KCNH1: variants seen among roughly 807,000 people sequenced by gnomAD.
The protein encoded by KCNH1 is voltage-gated delayed rectifier potassium channel KCNH1.
A neutral mutation model predicts 69.2 loss-of-function variants in KCNH1; 27 were observed. The observed-to-expected ratio is 0.39, with a 90% confidence interval of 0.29 to 0.54. The LOEUF is 0.54. Ranked by LOEUF, KCNH1 falls within the 20% of genes least tolerant of loss-of-function variation. The pLI, the probability that KCNH1 is intolerant of heterozygous loss-of-function variation, is 0.68. For missense variants in KCNH1, 798 were observed against 1,261.6 expected (o/e 0.63, Z 5.57); for synonymous variants, 456 against 487.7 (o/e 0.93, Z 0.86).
intron 7 of KCNH1, chr1:210,862,058 A>G (rs1294333368): frequency 5.0e-6 from 4 of 802,712 alleles, no homozygotes; most frequent in Non-Finnish European, 9.1e-6. Context: ...GGGGATATAT[A>G]CTTTTGTGCT....
At chr1:210,948,976 T>C (rs557779767) in intron 6 of KCNH1, among the ~76,000 whole-genome samples, 6 of 152,320 alleles carry the variant, frequency 3.9e-5, no homozygotes, top group African/African-American at 1.4e-4. Flanking sequence ...TTGACTTTCA[T>C]CAACTATTCA....
intron 3 of KCNH1, among the ~76,000 whole-genome samples, chr1:211,091,233 G>A (rs1190727353): frequency 1.3e-5 from 2 of 152,116 alleles, no homozygotes; most frequent in African/African-American, 4.8e-5. Flanking sequence ...CCAGGCTGGA[G>A]TACAATGGTG....
At chr1:211,054,563 AG>A (rs1690268720) in intron 5 of KCNH1, among the ~76,000 whole-genome samples, 1 of 152,216 alleles carries the variant, frequency 6.6e-6, no homozygotes. Flanking sequence ...GCTATGGAAT[AG>A]AAAAATAACG....
At chr1:211,081,015 T>C (rs1571631275) in intron 5 of KCNH1, among the ~76,000 whole-genome samples, 3 of 152,166 alleles carry the variant, frequency 2.0e-5, no homozygotes, top group African/African-American at 7.2e-5. Context: ...GAAACTACCA[T>C]CAGAGTGAAC....
intron 7 of KCNH1, among the ~76,000 whole-genome samples, chr1:210,915,869 C>T (rs951523584): frequency 1.3e-5 from 2 of 152,132 alleles, no homozygotes; most frequent in Non-Finnish European, 2.9e-5. Flanking sequence ...GGCTAATATA[C>T]TGCAACAGGA....
intron 7 of KCNH1, chr1:210,860,182 A>G: frequency 8.2e-7 from 1 of 1,213,488 alleles, no homozygotes; most frequent in South Asian, 1.2e-5. Flanking sequence ...ATCAACTGTT[A>G]CATAATTATA....
intron 6 of KCNH1, among the ~76,000 whole-genome samples, chr1:210,962,443 G>A (rs1688312529): frequency 1.3e-5 from 2 of 152,142 alleles, no homozygotes; most frequent in African/African-American, 4.8e-5. Context: ...CAAATGTACA[G>A]ATCCTTAAAT....
chr1:210,965,558 T>C (rs531692285), intron 6 of KCNH1, among the ~76,000 whole-genome samples: 6 of 152,186 alleles, frequency 3.9e-5, no homozygotes, highest in African/African-American at 1.4e-4. Context: ...TCATACTACC[T>C]GACTTCAAAC....
chr1:211,014,760 G>A (rs10494932), intron 6 of KCNH1, among the ~76,000 whole-genome samples: 53,793 of 151,996 alleles, frequency 0.35, 9,900 homozygotes, highest in Non-Finnish European at 0.38. Context: ...AGCTCCACAT[G>A]TATTTTTTTA....
intron 10 of KCNH1, among the ~76,000 whole-genome samples, chr1:210,713,677 T>C (rs1295395337): frequency 6.6e-6 from 1 of 152,170 alleles, no homozygotes; most frequent in African/African-American, 2.4e-5. Flanking sequence ...CAACCTGCAA[T>C]TCATGATCCT....
chr1:210,937,209 C>T (rs1342025934), intron 6 of KCNH1, among the ~76,000 whole-genome samples: 1 of 152,232 alleles, frequency 6.6e-6, no homozygotes, highest in African/African-American at 2.4e-5. Flanking sequence ...CCCACTGCTT[C>T]TCAGAATCTA....
Position 210,744,033 on chromosome 1 carries a change from G to T in KCNH1, c.2112+31315C>A, listed in dbSNP as rs371888404. On this transcript the variant is annotated intron_variant, in intron 10 of 10. Coordinates refer to ENST00000271751, the MANE Select transcript of KCNH1 (RefSeq NM_172362.3). ...CAGAAGGCTTTCCTAGACCACTCCTGTAAGCAGCTGGCATCCCAGATCCAG... is the reference window on the plus strand; with the variant it reads ...CAGAAGGCTTTCCTAGACCACTCCTTTAAGCAGCTGGCATCCCAGATCCAG... Among the ~76,000 whole-genome samples, 5 of 152,128 alleles carry T rather than the reference G, an allele frequency of 3.3e-5. No individual in the cohort carries two copies. The East Asian group carries it at 7.7e-4, about 23-fold the overall frequency.
chr1:211,035,377 T>C (rs1689877990), intron 5 of KCNH1, among the ~76,000 whole-genome samples: 1 of 147,684 alleles, frequency 6.8e-6, no homozygotes, highest in Non-Finnish European at 1.5e-5. Context: ...GCCTCCCAAG[T>C]AGCTGGGACT....
chr1:210,819,358 A>C (rs1002361457), intron 7 of KCNH1, among the ~76,000 whole-genome samples: 1 of 152,082 alleles, frequency 6.6e-6, no homozygotes, highest in African/African-American at 2.4e-5. Flanking sequence ...TAAGCCTTGA[A>C]CTCAGAAAGG....
intron 7 of KCNH1, among the ~76,000 whole-genome samples, chr1:210,841,948 T>C (rs1685421469): frequency 6.6e-6 from 1 of 152,152 alleles, no homozygotes; most frequent in African/African-American, 2.4e-5. Flanking sequence ...TCCTGAAAAC[T>C]TCTGACAAGC....
chr1:210,988,448 A>C (rs1688884170), intron 6 of KCNH1, among the ~76,000 whole-genome samples: 1 of 152,042 alleles, frequency 6.6e-6, no homozygotes, highest in African/African-American at 2.4e-5. Context: ...AGAATACTTA[A>C]AGCTTTATTA....
Position 211,110,267 on chromosome 1 carries a change from A to G in KCNH1, c.80-2890T>C, listed in dbSNP as rs547475464. On this transcript the variant is annotated intron_variant, in intron 1 of 10. Transcript: ENST00000271751. ...ACCAGCAAAATGAGGGAATAAAGCAAAAAGGAGGACAACATGGAAACCAGG... is the reference window on the plus strand; with the variant it reads ...ACCAGCAAAATGAGGGAATAAAGCAGAAAGGAGGACAACATGGAAACCAGG... 5.9e-5 allele frequency among the ~76,000 whole-genome samples: 9 copies of G among 152,296 alleles called. No homozygotes were observed. In the South Asian group the frequency reaches 1.9e-3, roughly 32 times the overall value.
intron 10 of KCNH1, among the ~76,000 whole-genome samples, chr1:210,734,411 G>A (rs1301412625): frequency 6.6e-6 from 1 of 152,048 alleles, no homozygotes; most frequent in African/African-American, 2.4e-5. Flanking sequence ...GAAGGTACAG[G>A]GAGCAAGAGA....
At chr1:210,996,966 G>A (rs1238427173) in intron 6 of KCNH1, among the ~76,000 whole-genome samples, 1 of 152,160 alleles carries the variant, frequency 6.6e-6, no homozygotes, top group Admixed American at 6.5e-5. Context: ...CTGTTAGAAG[G>A]AAAACTAACA....
Sources: gnomAD v4.1 joint callset for allele counts (sites outside exome capture counted in the v4.1 genomes callset) on GRCh38, gnomAD v4.1.1 for gene constraint, MANE v1.5 for transcripts, NCBI Gene and HGNC (gene_info 2026-07-23, HGNC 2026-07-21) for gene names.